RBFOX1: variants seen among roughly 807,000 people sequenced by gnomAD.
RBFOX1 encodes RNA binding protein fox-1 homolog 1.
A neutral mutation model predicts 57.7 loss-of-function variants in RBFOX1; 8 were observed. That is an observed-to-expected ratio of 0.14 (90% CI 0.08 to 0.25). The LOEUF (loss-of-function observed/expected upper bound fraction) is 0.25, where lower values mean the gene tolerates loss of function less well. Among genes scored for constraint, RBFOX1 ranks in the 10% least tolerant of loss-of-function variants. RBFOX1 has a pLI of 1.00. For synonymous variants in RBFOX1, 326 were observed against 222.4 expected (o/e 1.47, Z -4.15); for missense variants, 611 against 548.5 (o/e 1.11, Z -1.14).
At chr16:6,668,739 C>T (rs1260429627) in intron 3 of RBFOX1, among the ~76,000 whole-genome samples, 1 of 152,028 alleles carries the variant, frequency 6.6e-6, no homozygotes. Context: ...TTAATTGGGG[C>T]TGAAATGCTT....
intron 3 of RBFOX1, among the ~76,000 whole-genome samples, chr16:6,845,994 T>C (rs1238691030): frequency 6.6e-6 from 1 of 152,210 alleles, no homozygotes; most frequent in African/African-American, 2.4e-5. Context: ...TCAATGCATC[T>C]CTGTAAAATG....
intron 3 of RBFOX1, among the ~76,000 whole-genome samples, chr16:5,823,650 G>T (rs2055934073): frequency 6.6e-6 from 1 of 152,058 alleles, no homozygotes; most frequent in Non-Finnish European, 1.5e-5. Flanking sequence ...CCTCCAGTCA[G>T]GTCAGTGGCA....
intron 2 of RBFOX1, among the ~76,000 whole-genome samples, chr16:6,537,499 G>GCT (rs1442635374): frequency 1.3e-5 from 2 of 152,174 alleles, no homozygotes; most frequent in Non-Finnish European, 2.9e-5. Context: ...GGGGCTATAA[G>GCT]CTTACAGATG....
chr16:7,171,197 C>G (rs1352913886), intron 4 of RBFOX1, among the ~76,000 whole-genome samples: 1 of 152,184 alleles, frequency 6.6e-6, no homozygotes, highest in Non-Finnish European at 1.5e-5. Flanking sequence ...ATCACAGGCA[C>G]CCAGTACTAA....
At chr16:6,859,686 T>G (rs1267731572) in intron 3 of RBFOX1, among the ~76,000 whole-genome samples, 1 of 152,208 alleles carries the variant, frequency 6.6e-6, no homozygotes, top group Non-Finnish European at 1.5e-5. Flanking sequence ...TAATTCAAAT[T>G]TTTTAATCGA....
At chr16:5,729,307 A>G (rs2052270627) in intron 3 of RBFOX1, among the ~76,000 whole-genome samples, 1 of 152,106 alleles carries the variant, frequency 6.6e-6, no homozygotes, top group African/African-American at 2.4e-5. Flanking sequence ...TGAGCAAGTC[A>G]GAAGTTTCTC....
At chr16:7,088,508 G>A (rs2060323180) in intron 4 of RBFOX1, among the ~76,000 whole-genome samples, 1 of 150,390 alleles carries the variant, frequency 6.6e-6, no homozygotes, top group Non-Finnish European at 1.5e-5. Flanking sequence ...CACTTATTCT[G>A]GCTTTCTGAT....
chr16:6,534,927 A>G (rs1232453823), intron 2 of RBFOX1, among the ~76,000 whole-genome samples: 1 of 152,202 alleles, frequency 6.6e-6, no homozygotes, highest in Non-Finnish European at 1.5e-5. Flanking sequence ...ATATGTGCGC[A>G]TTCAACATAC....
At chr16:7,682,614 T>TAAA (rs1251709577) in intron 14 of RBFOX1, among the ~76,000 whole-genome samples, 1 of 150,368 alleles carries the variant, frequency 6.7e-6, no homozygotes, top group East Asian at 2.0e-4. Context: ...TAATTTTTTT[T>TAAA]AAAAAAAAGA....
chr16:6,330,942 A>G (rs2082948101), intron 2 of RBFOX1, among the ~76,000 whole-genome samples: 1 of 152,200 alleles, frequency 6.6e-6, no homozygotes, highest in East Asian at 1.9e-4. Context: ...GAATCCTAGA[A>G]GGGGACATAG....
chr16:6,542,859 G>A (rs1385917632), intron 2 of RBFOX1, among the ~76,000 whole-genome samples: 2 of 152,024 alleles, frequency 1.3e-5, no homozygotes, highest in East Asian at 3.9e-4. Flanking sequence ...TTGTAAGTCT[G>A]TAAACTTCAT....
intron 1 of RBFOX1, among the ~76,000 whole-genome samples, chr16:5,460,860 A>G (rs910047992): frequency 3.9e-5 from 6 of 152,228 alleles, no homozygotes; most frequent in Non-Finnish European, 7.3e-5. Context: ...AGCGGAGCAC[A>G]TCACCTGGCT....
intron 1 of RBFOX1, among the ~76,000 whole-genome samples, chr16:5,398,064 C>G (rs559661402): frequency 6.6e-6 from 1 of 152,204 alleles, no homozygotes; most frequent in African/African-American, 2.4e-5. Context: ...AAAAACCACA[C>G]GGGGCTGTGA....
intron 3 of RBFOX1, among the ~76,000 whole-genome samples, chr16:6,683,974 C>T (rs564626083): frequency 6.6e-6 from 1 of 152,172 alleles, no homozygotes; most frequent in Admixed American, 6.6e-5. Context: ...CTTCTTTTCT[C>T]CATGTTACCC....
intron 3 of RBFOX1, among the ~76,000 whole-genome samples, chr16:5,854,861 C>A (rs1429672476): frequency 6.6e-6 from 1 of 152,128 alleles, no homozygotes; most frequent in African/African-American, 2.4e-5. Context: ...GAAAGGTACC[C>A]TTTTCTCCGT....
intron 2 of RBFOX1, among the ~76,000 whole-genome samples, chr16:6,439,573 A>G (rs191531291): frequency 1.3e-5 from 2 of 152,226 alleles, no homozygotes; most frequent in East Asian, 3.9e-4. Context: ...GGAAGTGTTG[A>G]CTGGAGTTCA....
intron 4 of RBFOX1, among the ~76,000 whole-genome samples, chr16:7,477,845 G>A (rs1269256223): frequency 1.3e-5 from 2 of 152,184 alleles, no homozygotes; most frequent in Non-Finnish European, 2.9e-5. Flanking sequence ...TTCGAAAAAT[G>A]CAGAGATAAT....
At chr16:5,967,339 A>G (rs996200630) in intron 4 of RBFOX1, among the ~76,000 whole-genome samples, 1 of 152,170 alleles carries the variant, frequency 6.6e-6, no homozygotes, top group African/African-American at 2.4e-5. Flanking sequence ...AGTTCTTTTG[A>G]TAAGACTTAG....
intron 1 of RBFOX1, among the ~76,000 whole-genome samples, chr16:5,402,429 A>G (rs1000945162): frequency 6.6e-6 from 1 of 152,166 alleles, no homozygotes; most frequent in Non-Finnish European, 1.5e-5. Context: ...GAAGATCCCC[A>G]GCTCACAACC....
Sources: allele counts gnomAD v4.1 joint callset (sites outside exome capture counted in the v4.1 genomes callset), GRCh38; gene constraint gnomAD v4.1.1; transcripts MANE v1.5; gene names NCBI Gene and HGNC (gene_info 2026-07-23, HGNC 2026-07-21).